SMC2: variants seen among roughly 807,000 people sequenced by gnomAD.
SMC2 encodes structural maintenance of chromosomes protein 2.
In SMC2, 41 loss-of-function variants were observed where a neutral mutation model predicts 142.6. That is an observed-to-expected ratio of 0.29 (90% CI 0.22 to 0.37). The LOEUF (loss-of-function observed/expected upper bound fraction) is 0.37, where lower values mean the gene tolerates loss of function less well. Ranked by LOEUF, SMC2 falls within the 10% of genes least tolerant of loss-of-function variation. The pLI, the probability that SMC2 is intolerant of heterozygous loss-of-function variation, is 1.00. For missense variants in SMC2, 1,265 were observed against 1,373.7 expected, an observed-to-expected ratio of 0.92 and a Z score of 1.25; for synonymous variants, 463 against 457.5, an observed-to-expected ratio of 1.01 and a Z score of -0.15.
intron 21 of SMC2, among the ~76,000 whole-genome samples, chr9:104,131,012 G>A (rs996608938): frequency 1.3e-5 from 2 of 152,072 alleles, no homozygotes; most frequent in African/African-American, 4.8e-5. Flanking sequence ...AGGGGAGCGT[G>A]GCTGTAAAGA....
intron 22 of SMC2, among the ~76,000 whole-genome samples, chr9:104,133,088 A>T (rs1434889704): frequency 1.3e-5 from 2 of 152,126 alleles, no homozygotes; most frequent in Admixed American, 1.3e-4. Flanking sequence ...GGCTTACTTG[A>T]TTGACAAAGT....
intron 15 of SMC2, among the ~76,000 whole-genome samples, chr9:104,118,886 T>A (rs1833416966): frequency 6.6e-6 from 1 of 152,170 alleles, no homozygotes; most frequent in Non-Finnish European, 1.5e-5. Flanking sequence ...AGCCCTATTC[T>A]ATGGGCTTTA....
At chr9:104,091,136 A>G (rs1829976751), upstream of SMC2, among the ~76,000 whole-genome samples, 1 of 152,206 alleles carries the variant, frequency 6.6e-6, no homozygotes, top group South Asian at 2.1e-4. Context: ...TGGCGTTAGA[A>G]ATAAAATACA....
In SMC2 at chr9:104,102,433, G is replaced by A; in HGVS notation, c.880G>A (p.Gly294Ser). The part of the protein sequence containing the change: ...LEKRKDKETG[G>S]ILRSLEDALA... ...CTGCATTTTGTTATAGGAAACTGGA[G>A]GTATACTTCGATCTTTAGAAGATGC... is the stretch of plus-strand genomic sequence containing the variant. Residue 294 changes from glycine (G) to serine (S), a missense_variant, in exon 9 of 25, where the codon GGT becomes AGT. By Grantham distance (56) the Gly-to-Ser change is moderately conservative. Around this residue, in one of 4 missense-constraint regions of SMC2, gnomAD observed 898 missense variants for 904.2 expected, o/e 0.99. Transcript: ENST00000374793. The A allele has an allele frequency of 6.2e-7, 1 of 1,605,308 alleles. No homozygotes were observed. Among genetic ancestry groups the A allele is most frequent in the Non-Finnish European group, 8.5e-7 (1 of 1,177,026 alleles).
chr9:104,122,503 A>G (rs555207741), intron 16 of SMC2, among the ~76,000 whole-genome samples: 3 of 150,612 alleles, frequency 2.0e-5, no homozygotes, highest in East Asian at 1.9e-4. Context: ...CATGATTTCT[A>G]GTGACAAGGT....
chr9:104,099,755 AT>A, intron 5 of SMC2, 73 bp downstream of exon 5: 1 of 958,614 alleles, frequency 1.0e-6, no homozygotes, highest in South Asian at 1.5e-5. Context: ...CAATTTTTAA[AT>A]ATTCTATTAA....
intron 9 of SMC2, among the ~76,000 whole-genome samples, chr9:104,109,018 C>T (rs1483439643): frequency 6.6e-6 from 1 of 152,136 alleles, no homozygotes; most frequent in African/African-American, 2.4e-5. Flanking sequence ...TTCCCTCTAT[C>T]AGAATGTTGC....
intron 16 of SMC2, among the ~76,000 whole-genome samples, chr9:104,122,880 C>G (rs1205597994): frequency 2.6e-5 from 4 of 151,898 alleles, no homozygotes; most frequent in Non-Finnish European, 4.4e-5. Flanking sequence ...ATAGTTGTTA[C>G]AGATTTTAGT....
At chr9:104,099,923 C>T (rs533284067) in intron 5 of SMC2, among the ~76,000 whole-genome samples, 170 bp from the exon 6 acceptor site, 1 of 152,106 alleles carries the variant, frequency 6.6e-6, no homozygotes, top group Non-Finnish European at 1.5e-5. Context: ...ACAGAAAAAG[C>T]CTACAGGAAA....
intron 21 of SMC2, among the ~76,000 whole-genome samples, chr9:104,130,587 AATT>A (rs1834855035): frequency 7.3e-6 from 1 of 136,230 alleles, no homozygotes; most frequent in African/African-American, 3.6e-5. Flanking sequence ...ATTTTACCAT[AATT>A]TTTTTTAACT....
chr9:104,109,389 A>G (rs1013635206), intron 9 of SMC2, among the ~76,000 whole-genome samples: 1 of 152,204 alleles, frequency 6.6e-6, no homozygotes, highest in Non-Finnish European at 1.5e-5. Context: ...AAGCGTATTC[A>G]GAATACAGCC....
intron 9 of SMC2, among the ~76,000 whole-genome samples, 173 bp downstream of exon 9, chr9:104,102,746 C>A (rs10991109): frequency 0.17 from 25,857 of 152,006 alleles, 2,276 homozygotes; most frequent in South Asian, 0.22. Context: ...CCTTGTGGAC[C>A]TTCATTCCAT....
At chr9:104,088,818 G>C in the SMC2 span, among the ~76,000 whole-genome samples, 1 of 152,080 alleles carries the variant, frequency 6.6e-6, no homozygotes, top group Non-Finnish European at 1.5e-5. Context: ...CTTGGAGACA[G>C]GCAGACATCT....
chr9:104,102,634 T>C, intron 9 of SMC2, 61 bp downstream of exon 9: 1 of 1,446,168 alleles, frequency 6.9e-7, no homozygotes, highest in East Asian at 2.5e-5. Context: ...CTCATTAGTG[T>C]ACATTTATCT....
upstream of SMC2, among the ~76,000 whole-genome samples, chr9:104,089,954 T>C (rs1281576874): frequency 2.0e-5 from 3 of 152,172 alleles, no homozygotes; most frequent in Non-Finnish European, 4.4e-5. Flanking sequence ...CTGAAAATAC[T>C]TTTTTAAGAC....
At chr9:104,100,823 A>G (rs1334370333) in intron 7 of SMC2, among the ~76,000 whole-genome samples, 2 of 152,212 alleles carry the variant, frequency 1.3e-5, no homozygotes, top group East Asian at 1.9e-4. Flanking sequence ...TATTGCTATC[A>G]AGGTATTTTG....
chr9:104,120,153 C>T lies in SMC2; in HGVS notation c.2123C>T (p.Thr708Ile), dbSNP rs1190531795. ...GAGGAATTAGCAGGTCTTAAAAACA[C>T]TGCTGAAAAGTAAGAACTGCATATA... ...LEEELAGLKN[T>I]AEKYRQLKQQ... is the part of the protein sequence containing the mutation. Residue 708 changes from threonine (T) to isoleucine (I), a missense_variant, in exon 16 of 25, where the codon ACT (threonine) becomes ATT (isoleucine). This residue lies in a region of SMC2 where 898 missense variants were observed against 904.2 expected (regional missense o/e 0.99). Coordinates refer to ENST00000374793, the MANE Select transcript of SMC2 (RefSeq NM_006444.3). 1 of 1,607,138 alleles carries T rather than the reference C, an allele frequency of 6.2e-7. No individual in the cohort carries two copies. Among genetic ancestry groups the T allele is most frequent in the Non-Finnish European group, 8.5e-7 (1 of 1,177,912 alleles).
chr9:104,124,790 G>T, intron 17 of SMC2, 122 bp from the exon 18 acceptor site: 1 of 656,050 alleles, frequency 1.5e-6, no homozygotes, highest in Non-Finnish European at 2.6e-6. Context: ...GAATATCATT[G>T]GGATAGTTAA....
chr9:104,089,413 A>C (rs1274270050), upstream of SMC2, among the ~76,000 whole-genome samples: 3 of 152,130 alleles, frequency 2.0e-5, no homozygotes, highest in Admixed American at 2.0e-4. Context: ...TGTGGATTTG[A>C]AATAAAGAGT....
Sources: gnomAD v4.1 joint callset for allele counts (sites outside exome capture counted in the v4.1 genomes callset) on GRCh38, gnomAD v4.1.1 for gene constraint, gnomAD v4.1.1 regional missense constraint, MANE v1.5 for transcripts, NCBI Gene and HGNC (gene_info 2026-07-23, HGNC 2026-07-21) for gene names.